HMCN2: variants seen among roughly 807,000 people sequenced by gnomAD.
HMCN2 encodes the protein hemicentin-2.
In HMCN2, 325 loss-of-function variants were observed where a neutral mutation model predicts 377.5. That is an observed-to-expected ratio of 0.86 (90% confidence interval 0.79 to 0.94). HMCN2 has a LOEUF of 0.94. HMCN2 is among the 40% of genes least tolerant of loss of function. The pLI is 0.00. For synonymous variants in HMCN2, 2,007 were observed against 2,046.8 expected, an observed-to-expected ratio of 0.98 and a Z score of 0.53; for missense variants, 4,543 against 4,725.3, an observed-to-expected ratio of 0.96 and a Z score of 1.13.
At chr9:130,358,517 G>A (rs1249238766) in intron 36 of HMCN2, 31 bp downstream of exon 36, 2 of 1,304,318 alleles carry the variant, frequency 1.5e-6, no homozygotes, top group East Asian at 5.5e-5. Flanking sequence ...CAGGGCCCAG[G>A]CCAGCATGTT....
intron 18 of HMCN2, among the ~76,000 whole-genome samples, chr9:130,321,285 C>T (rs1663861658): frequency 6.6e-6 from 1 of 151,024 alleles, no homozygotes; most frequent in South Asian, 2.1e-4. Flanking sequence ...CTGCCCCAGA[C>T]ACCGGCGCGC....
rs981167033 is a variant in HMCN2 at position 130,304,812 on chromosome 9, C to T, written c.1626C>T (p.Gly542=). Residue 542 remains glycine, a synonymous_variant, in exon 11 of 98, where the codon GGC becomes GGT. Coordinates refer to ENST00000683500, the MANE Select transcript of HMCN2 (RefSeq NM_001291815.2). The surrounding 1 kb of genome is among the most constrained non-coding windows in gnomAD (Gnocchi z 4.3). ...CCGTCCTATCCTGCCGGGTCCTAGG[C>T]GAGGCCCCCTACAACCTGACGTGGG... ...ETAVLSCRVL[G]EAPYNLTWVR... 37 of 471,048 alleles carry T rather than the reference C, an allele frequency of 7.9e-5. No homozygotes were observed. The highest frequency in any genetic ancestry group is 8.4e-5 in the Non-Finnish European group (19 of 227,070). 29.2% of individuals were successfully genotyped at this position (471,048 alleles called of 1,614,324 possible). A position where few individuals can be genotyped will look rare whatever the true frequency, so the allele number is the denominator to read the frequency against.
chr9:130,373,550 C>T (rs1268546738), intron 48 of HMCN2, among the ~76,000 whole-genome samples: 4 of 135,132 alleles, frequency 3.0e-5, no homozygotes, highest in East Asian at 2.5e-4. Flanking sequence ...GGCTCCCATT[C>T]GTGCTTATGG....
In HMCN2 at chr9:130,433,333, CTG is replaced by C. The variant is rs1436773193; in HGVS notation, c.14895-12_14895-11del. On this transcript the variant is annotated splice_polypyrimidine_tract_variant and intron_variant, in intron 97 of 97. Transcript: ENST00000683500. ...CCCCCGAGTCCGCCTGTCCGTGTGT[CTG>C]TGCCGCCCGCAGGACGTGCTTCCGG... 8 of 1,428,316 alleles carry C rather than the reference CTG, an allele frequency of 5.6e-6. No individual in the cohort carries two copies. The African/African-American group carries it at 1.2e-4, about 21-fold the overall frequency. The allele number at this position is 1,428,316 out of a possible 1,614,324, so 88.5% of individuals were successfully genotyped here.
chr9:130,303,941 C>T lies in HMCN2; in HGVS notation c.1543+333C>T, dbSNP rs574742771. ...GGACAACCTTCGTGCCTCCAAGTCCCGGCCAGGATGGCGCCATCGAGCTGG... is the reference window on the plus strand; with the variant it reads ...GGACAACCTTCGTGCCTCCAAGTCCTGGCCAGGATGGCGCCATCGAGCTGG... On this transcript the variant is annotated intron_variant, in intron 10 of 97. Coordinates refer to ENST00000683500, the MANE Select transcript of HMCN2 (RefSeq NM_001291815.2). This position sits in a 1 kb window ranked among gnomAD's most constrained non-coding sequence, Gnocchi z 5.2. Among the ~76,000 whole-genome samples the T allele has an allele frequency of 5.9e-5, 9 of 152,336 alleles. 1 individual carries two copies. The South Asian group carries it at 6.2e-4, about 11-fold the overall frequency.
intron 1 of HMCN2, among the ~76,000 whole-genome samples, chr9:130,273,372 A>G (rs1834504832): frequency 6.6e-6 from 1 of 152,182 alleles, no homozygotes; most frequent in Admixed American, 6.5e-5. Flanking sequence ...CAGCTTGTCC[A>G]AATTATAATA....
At chr9:130,329,318 C>T (rs36135802) in intron 22 of HMCN2, among the ~76,000 whole-genome samples, 59,838 of 152,110 alleles carry the variant, frequency 0.39, 12,228 homozygotes, top group African/African-American at 0.5. Flanking sequence ...AGATGAGTGC[C>T]TGCTTCCTTT....
chr9:130,431,473 G>A lies in HMCN2; in HGVS notation c.14754G>A (p.Gly4918=). The A allele has an allele frequency of 1.3e-6, 2 of 1,549,520 alleles. No individual in the cohort carries two copies. The highest frequency in any genetic ancestry group is 1.2e-5 in the South Asian group (1 of 84,048). ...CCGGCTACCGTCTGCTCCCCAGCGGGAAGAACTGCCAGGGTGAGCCGGGCT... is the reference window on the plus strand; with the variant it reads ...CCGGCTACCGTCTGCTCCCCAGCGGAAAGAACTGCCAGGGTGAGCCGGGCT... ...CPAGYRLLPS[G]KNCQDINECE... Residue 4918 remains glycine (G), a synonymous_variant, in exon 96 of 98, where the codon GGG becomes GGA. Coordinates refer to ENST00000683500, the MANE Select transcript of HMCN2 (RefSeq NM_001291815.2).
At position 130,424,959 on chromosome 9, in the gene HMCN2, C is replaced by A. The variant is rs760001579; in HGVS notation, c.13519+46C>A. ...GTGGGCCAGGTAGGACTAAAGCCTG[C>A]GCCCAGGACCTCCCGTGGTGACTCT... On this transcript the variant is annotated intron_variant, in intron 88 of 97. Coordinates refer to ENST00000683500, the MANE Select transcript of HMCN2 (RefSeq NM_001291815.2). 11 of 1,496,170 alleles carry A rather than the reference C, an allele frequency of 7.4e-6. No individual in the cohort carries two copies. In the African/African-American group the frequency reaches 1.5e-4, roughly 21 times the overall value. The allele number at this position is 1,496,170 out of a possible 1,614,324, so 92.7% of individuals were successfully genotyped here. A position where few individuals can be genotyped will look rare whatever the true frequency, so the allele number is the denominator to read the frequency against.
chr9:130,330,269 C>T (rs940382557), intron 22 of HMCN2, among the ~76,000 whole-genome samples: 1 of 152,172 alleles, frequency 6.6e-6, no homozygotes, highest in Non-Finnish European at 1.5e-5. Flanking sequence ...GGACAGGGCT[C>T]CACGGCAGCC....
chr9:130,432,451 G>C lies in HMCN2; in HGVS notation c.14790G>C (p.Glu4930Asp), dbSNP rs943299330. 5.8e-6 allele frequency: 9 copies of C among 1,551,068 alleles called. No individual in the cohort carries two copies. The East Asian group carries it at 7.3e-5, about 13-fold the overall frequency. The part of the protein sequence containing the change: ...NCQDINECEE[E>D]SIECGPGQMC... ...CAGACATCAACGAGTGCGAGGAGGA[G>C]AGCATCGAGTGTGGACCCGGCCAGA... The change falls in exon 97 of 98, where the codon GAG (glutamate) becomes GAC (aspartate). Residue 4930 changes from glutamate to aspartate, a missense_variant. By Grantham distance (45) the Glu-to-Asp change is conservative (BLOSUM62 2). Transcript: ENST00000683500.
chr9:130,386,492 A>G lies in HMCN2; in HGVS notation c.9359A>G (p.Glu3120Gly), dbSNP rs1375682615. ...YSCKVSNVAG[E>G]AVRTFTLTVQ... Reference sequence around the variant, plus strand: ...TGTAAAGTCAGCAACGTGGCTGGGGAGGCCGTGCGGACCTTCACCCTCACC... The same window carrying G: ...TGTAAAGTCAGCAACGTGGCTGGGGGGGCCGTGCGGACCTTCACCCTCACC... The change falls in exon 61 of 98, where the codon GAG (glutamate) becomes GGG (glycine). Residue 3120 changes from glutamate (E) to glycine (G), a missense_variant. By Grantham distance (98) the Glu-to-Gly change is moderately conservative (BLOSUM62 -2). Around this residue, in one of 5 missense-constraint regions of HMCN2, gnomAD observed 736 missense variants for 773.2 expected, o/e 0.95. Coordinates refer to ENST00000683500, the MANE Select transcript of HMCN2 (RefSeq NM_001291815.2). 2 of 1,303,592 alleles carry G rather than the reference A, an allele frequency of 1.5e-6. No homozygotes were observed. The highest frequency in any genetic ancestry group is 2.0e-6 in the Non-Finnish European group (2 of 988,882). 80.8% of individuals were successfully genotyped at this position (1,303,592 alleles called of 1,614,324 possible). A position where few individuals can be genotyped will look rare whatever the true frequency, so the allele number is the denominator to read the frequency against.
intron 54 of HMCN2, among the ~76,000 whole-genome samples, chr9:130,380,890 T>A (rs1841679197): frequency 6.6e-6 from 1 of 151,774 alleles, no homozygotes; most frequent in South Asian, 2.1e-4. Context: ...GACAGACCCC[T>A]TAACCTGGCC....
rs552074280 is a variant in HMCN2 at position 130,406,400 on chromosome 9, C to T, written c.12553+232C>T. 53 of 344,640 alleles carry T rather than the reference C, an allele frequency of 1.5e-4. 1 individual carries two copies. In the East Asian group the frequency reaches 3.8e-3, roughly 25 times the overall value. The allele number at this position is 344,640 out of a possible 1,614,324, so 21.3% of individuals were successfully genotyped here. A position where few individuals can be genotyped will look rare whatever the true frequency, so the allele number is the denominator to read the frequency against. On this transcript the variant is annotated intron_variant, in intron 82 of 97. Coordinates refer to ENST00000683500, the MANE Select transcript of HMCN2 (RefSeq NM_001291815.2). ...CAAGAGGCCACCTGAGAAGACTCAACCCAGAGACCTCAGGGCCAGGAAGGG... is the reference window on the plus strand; with the variant it reads ...CAAGAGGCCACCTGAGAAGACTCAATCCAGAGACCTCAGGGCCAGGAAGGG...
intron 25 of HMCN2, among the ~76,000 whole-genome samples, chr9:130,345,389 G>GGT (rs1396144632): frequency 1.4e-5 from 2 of 147,304 alleles, no homozygotes; most frequent in East Asian, 2.0e-4. Context: ...TGTAGTGTGT[G>GGT]GTGTGTGTGT....
intron 24 of HMCN2, among the ~76,000 whole-genome samples, chr9:130,341,644 G>A (rs1839052436): frequency 6.6e-6 from 1 of 152,132 alleles, no homozygotes; most frequent in South Asian, 2.1e-4. Context: ...GTGACCTGTG[G>A]GGCCCCTGAG....
chr9:130,420,354 G>C (rs564719005), intron 86 of HMCN2, among the ~76,000 whole-genome samples: 2 of 152,012 alleles, frequency 1.3e-5, no homozygotes, highest in African/African-American at 2.4e-5. Flanking sequence ...GATTACAGGC[G>C]TGAGCCACCG....
intron 34 of HMCN2, among the ~76,000 whole-genome samples, chr9:130,356,576 C>T (rs1166556150): frequency 6.6e-6 from 1 of 152,236 alleles, no homozygotes; most frequent in Non-Finnish European, 1.5e-5. Context: ...TTTGCTGTTC[C>T]TTCTGCCCAG....
In HMCN2 at chr9:130,433,583, CG is replaced by C; in HGVS notation, c.15131del (p.Arg5044LeufsTer48). ...CGCGGGCCTTGGCGCGGTCTACACC[CG>C]TCGCGCGCTCACCCGCGCCGGCCTC... ...LRAGLGAVYT[R>X]RALTRAGLYR... On this transcript the variant is annotated frameshift_variant, in exon 98 of 98. Coordinates refer to ENST00000683500, the MANE Select transcript of HMCN2 (RefSeq NM_001291815.2). LOFTEE classifies it high-confidence loss of function. 6.6e-7 allele frequency: 1 copy of C among 1,508,446 alleles called. No homozygotes were observed. 93.4% of individuals were successfully genotyped at this position (1,508,446 alleles called of 1,614,324 possible).
Sources: allele counts gnomAD v4.1 joint callset (sites outside exome capture counted in the v4.1 genomes callset), GRCh38; gene constraint gnomAD v4.1.1; regional missense constraint gnomAD v4.1.1; non-coding constraint Gnocchi (gnomAD v3.1); transcripts MANE v1.5; gene names NCBI Gene and HGNC (gene_info 2026-07-23, HGNC 2026-07-21).